MBD5: variants seen among roughly 807,000 people sequenced by gnomAD.
MBD5 encodes the protein methyl-CpG-binding domain protein 5.
Under a neutral mutation model 117.3 loss-of-function variants are expected in MBD5, and 13 were observed. That is an observed-to-expected ratio of 0.11 (90% confidence interval 0.07 to 0.18). MBD5 has a LOEUF of 0.18. Ranked by LOEUF, MBD5 falls within the 10% of genes least tolerant of loss-of-function variation. The probability of loss-of-function intolerance (pLI) is 1.00; values close to 1 mark genes in which losing one functional copy is unlikely to be tolerated. For missense variants in MBD5, 1,879 were observed against 2,093.8 expected, an observed-to-expected ratio of 0.90 and a Z score of 2.00; for synonymous variants, 727 against 766.4, an observed-to-expected ratio of 0.95 and a Z score of 0.85.
intron 1 of MBD5, among the ~76,000 whole-genome samples, chr2:148,045,430 G>A (rs924268557): frequency 7.2e-5 from 11 of 152,022 alleles, no homozygotes; most frequent in African/African-American, 2.7e-4. Flanking sequence ...ACATAGATTT[G>A]TCTCCTCTCT....
intron 4 of MBD5, among the ~76,000 whole-genome samples, chr2:148,452,155 C>T (rs1359329812): frequency 6.6e-6 from 1 of 152,122 alleles, no homozygotes; most frequent in African/African-American, 2.4e-5. Flanking sequence ...TAGCTATTTA[C>T]TTATTTTCAT....
At chr2:148,272,312 G>A (rs1408472780) in intron 3 of MBD5, among the ~76,000 whole-genome samples, 1 of 152,054 alleles carries the variant, frequency 6.6e-6, no homozygotes, top group East Asian at 1.9e-4. Context: ...CCCACTAGTG[G>A]GATCATGTAC....
At chr2:148,356,756 T>C (rs371176569) in intron 4 of MBD5, among the ~76,000 whole-genome samples, 9 of 152,282 alleles carry the variant, frequency 5.9e-5, no homozygotes, top group East Asian at 3.9e-4. Flanking sequence ...GGTGTATCTC[T>C]TTCCTTTTCT....
intron 3 of MBD5, among the ~76,000 whole-genome samples, chr2:148,251,069 A>G (rs1312050860): frequency 6.6e-6 from 1 of 152,152 alleles, no homozygotes; most frequent in Non-Finnish European, 1.5e-5. Context: ...GTATAGTGCT[A>G]TAGGTACTAA....
intron 3 of MBD5, among the ~76,000 whole-genome samples, chr2:148,255,425 AC>A (rs1259531049): frequency 6.6e-6 from 1 of 152,170 alleles, no homozygotes; most frequent in Non-Finnish European, 1.5e-5. Flanking sequence ...CGTGTATTGA[AC>A]ACCCAAGGAG....
intron 4 of MBD5, among the ~76,000 whole-genome samples, chr2:148,431,295 C>G (rs1226372361): frequency 1.3e-5 from 2 of 151,928 alleles, no homozygotes; most frequent in Admixed American, 6.6e-5. Context: ...CAAATTAGAC[C>G]AATAAATATT....
At chr2:148,194,752 G>A (rs1698926721) in intron 2 of MBD5, among the ~76,000 whole-genome samples, 2 of 30,800 alleles carry the variant, frequency 6.5e-5, no homozygotes, top group Non-Finnish European at 6.9e-5. Context: ...CTAAAACTTA[G>A]AGTATAATAA....
chr2:148,511,624 A>G (rs748093771), intron 13 of MBD5, among the ~76,000 whole-genome samples: 9 of 147,978 alleles, frequency 6.1e-5, no homozygotes, highest in Non-Finnish European at 8.8e-5. Flanking sequence ...TTAAAGTGCC[A>G]TATGGCTAAA....
At chr2:148,376,834 CAT>C (rs1361747369) in intron 4 of MBD5, among the ~76,000 whole-genome samples, 1,438 of 73,430 alleles carry the variant, frequency 0.02, 26 homozygotes, top group African/African-American at 0.067. Context: ...ATATATATAA[CAT>C]ATATATAATT....
intron 1 of MBD5, among the ~76,000 whole-genome samples, chr2:148,068,191 C>T (rs140735357): frequency 1.7e-3 from 254 of 152,142 alleles, no homozygotes; most frequent in African/African-American, 5.7e-3. Context: ...ACCTAAGCTG[C>T]GATCTAAGAG....
chr2:148,340,146 A>G (rs1702900586), intron 3 of MBD5, among the ~76,000 whole-genome samples: 1 of 152,112 alleles, frequency 6.6e-6, no homozygotes, highest in African/African-American at 2.4e-5. Flanking sequence ...AGTCCTTAGG[A>G]CAAGCCAGGG....
At chr2:148,056,517 C>T (rs190468806) in intron 1 of MBD5, among the ~76,000 whole-genome samples, 42 of 152,004 alleles carry the variant, frequency 2.8e-4, no homozygotes, top group East Asian at 1.5e-3. Context: ...GTTTATATCA[C>T]GCACAAATAT....
chr2:148,492,648 C>T (rs1313276138), intron 11 of MBD5, among the ~76,000 whole-genome samples: 1 of 152,030 alleles, frequency 6.6e-6, no homozygotes, highest in African/African-American at 2.4e-5. Flanking sequence ...AGTACTACTT[C>T]ATAAACATTC....
intron 3 of MBD5, among the ~76,000 whole-genome samples, chr2:148,237,401 A>G (rs766632410): frequency 6.6e-6 from 1 of 152,140 alleles, no homozygotes; most frequent in Non-Finnish European, 1.5e-5. Context: ...TCATGTGAAC[A>G]CTTAGAGGCA....
intron 3 of MBD5, among the ~76,000 whole-genome samples, chr2:148,282,323 C>T (rs957012026): frequency 6.6e-6 from 1 of 152,018 alleles, no homozygotes; most frequent in Admixed American, 6.6e-5. Context: ...AGATATGCTA[C>T]AGCAAAACAA....
At chr2:148,459,830 G>C (rs1707012375) in intron 5 of MBD5, among the ~76,000 whole-genome samples, 2 of 152,134 alleles carry the variant, frequency 1.3e-5, no homozygotes, top group Admixed American at 1.3e-4. Context: ...GAGTTTGTTT[G>C]CTTGTTGTGT....
intron 5 of MBD5, among the ~76,000 whole-genome samples, chr2:148,460,908 A>C (rs893305207): frequency 1.3e-5 from 2 of 152,190 alleles, no homozygotes; most frequent in African/African-American, 4.8e-5. Flanking sequence ...AATGCTTCAC[A>C]TGAAAAATCA....
chr2:148,440,577 A>T (rs969446611), intron 4 of MBD5, among the ~76,000 whole-genome samples: 1 of 138,428 alleles, frequency 7.2e-6, no homozygotes, highest in Non-Finnish European at 1.6e-5. Flanking sequence ...ATTTTAGGAG[A>T]GTAAAAAAAG....
At chr2:148,481,613 A>G (rs1192781702) in intron 8 of MBD5, 1 of 152,206 alleles carries the variant, frequency 6.6e-6, no homozygotes, top group Non-Finnish European at 1.5e-5. Context: ...CAATGGATTT[A>G]CAACAGGGAA....
Sources: gnomAD v4.1 joint callset for allele counts (sites outside exome capture counted in the v4.1 genomes callset) on GRCh38, gnomAD v4.1.1 for gene constraint, MANE v1.5 for transcripts, NCBI Gene and HGNC (gene_info 2026-07-23, HGNC 2026-07-21) for gene names.